The following LDLRAD4 variants were observed in gnomAD, a reference collection of about 807,000 sequenced individuals.
The protein encoded by LDLRAD4 is low density lipoprotein receptor class A domain containing 4, also known as low-density lipoprotein receptor class A domain-containing protein 4.
Under a neutral mutation model 17.0 loss-of-function variants are expected in LDLRAD4, and 5 were observed. The observed-to-expected ratio is 0.29, with a 90% CI of 0.15 to 0.62. The LOEUF is 0.62. Ranked by LOEUF, LDLRAD4 falls within the 20% of genes least tolerant of loss-of-function variation. The pLI, the probability that LDLRAD4 is intolerant of heterozygous loss-of-function variation, is 0.84. For missense variants in LDLRAD4, 340 were observed against 424.7 expected (o/e 0.80, Z 1.75); for synonymous variants, 168 against 171.8 (o/e 0.98, Z 0.17).
intron 1 of LDLRAD4, 83 bp downstream of exon 1, chr18:13,219,071 T>TG (rs1202874907): frequency 1.1e-5 from 1 of 93,962 alleles, no homozygotes; most frequent in Non-Finnish European, 2.4e-5. Flanking sequence ...TGTTTAAACT[T>TG]TTTTTTTTTT....
intron 1 of LDLRAD4, among the ~76,000 whole-genome samples, chr18:13,321,760 C>T (rs868238905): frequency 2.0e-5 from 3 of 149,866 alleles, no homozygotes; most frequent in Non-Finnish European, 3.0e-5. Context: ...GCTCGGGAGG[C>T]TGAGGCAGGA....
At chr18:13,292,964 T>C (rs1426079138) in intron 1 of LDLRAD4, among the ~76,000 whole-genome samples, 1 of 152,204 alleles carries the variant, frequency 6.6e-6, no homozygotes, top group Non-Finnish European at 1.5e-5. Context: ...CAGCGAGGTC[T>C]TGGAGAGAAT....
rs1299178167 is a variant in LDLRAD4 at position 13,622,231 on chromosome 18, TGGGACCCCTCTCAGGAGTGC to T, written c.336+961_336+980del. Among the ~76,000 whole-genome samples, 1 of 152,068 alleles carries T rather than the reference TGGGACCCCTCTCAGGAGTGC, an allele frequency of 6.6e-6. No homozygotes were observed. Among genetic ancestry groups the T allele is most frequent in the Non-Finnish European group, 1.5e-5 (1 of 68,016 alleles). ...GGTTTCCTGGGGTGGCCGCTGGCCC[TGGGACCCCTCTCAGGAGTGC>T]AGGCTCACACTTCACTAGGATCATT... On this transcript the variant is annotated intron_variant, in intron 4 of 5. Coordinates refer to ENST00000359446, the Ensembl canonical transcript of LDLRAD4. This position sits in a 1 kb window ranked among gnomAD's most constrained non-coding sequence, Gnocchi z 5.3.
intron 2 of LDLRAD4, among the ~76,000 whole-genome samples, chr18:13,422,586 T>A (rs2145882933): frequency 6.7e-6 from 1 of 150,350 alleles, no homozygotes; most frequent in South Asian, 2.1e-4. Flanking sequence ...TAGTCCCAGC[T>A]ACTCGGGAGG....
chr18:13,579,302 G>C (rs966845621), intron 3 of LDLRAD4, among the ~76,000 whole-genome samples: 3 of 152,216 alleles, frequency 2.0e-5, no homozygotes, highest in Non-Finnish European at 4.4e-5. Flanking sequence ...TTGAATTACA[G>C]TCATTTGTTT....
In LDLRAD4 at chr18:13,555,884, G is replaced by GTT. The variant is rs199931968; in HGVS notation, c.182-65231_182-65230dup. 7.1e-4 allele frequency among the ~76,000 whole-genome samples: 3 copies of GTT among 4,232 alleles called. No individual in the cohort carries two copies. In the Admixed American group the frequency reaches 0.014, roughly 19 times the overall value. The allele number at this position is 4,232 out of a possible 152,430, so 2.8% of individuals were successfully genotyped here. A position where few individuals can be genotyped will look rare whatever the true frequency, so the allele number is the denominator to read the frequency against. ...TATTTTCTAAGAAGGCGGGAAAGCA[G>GTT]TTTGTGTGAATTATTCTTACCTTAT... On this transcript the variant is annotated intron_variant, in intron 3 of 5. Coordinates refer to ENST00000359446, the Ensembl canonical transcript of LDLRAD4.
intron 3 of LDLRAD4, among the ~76,000 whole-genome samples, chr18:13,503,792 C>A (rs910088155): frequency 3.9e-5 from 5 of 127,642 alleles, no homozygotes; most frequent in South Asian, 2.6e-4. Context: ...AAAAAAAAAA[C>A]TAAGTAAAAA....
At chr18:13,245,901 G>A (rs2042932297) in intron 1 of LDLRAD4, among the ~76,000 whole-genome samples, 1 of 152,236 alleles carries the variant, frequency 6.6e-6, no homozygotes, top group East Asian at 1.9e-4. Flanking sequence ...AGTGTGCAAA[G>A]TGCTGAGCCC....
intron 1 of LDLRAD4, among the ~76,000 whole-genome samples, chr18:13,326,009 C>T (rs149473520): frequency 5.9e-5 from 9 of 152,056 alleles, no homozygotes; most frequent in East Asian, 3.9e-4. Context: ...CCTCATGATC[C>T]GCTTGCCTCG....
At chr18:13,325,985 T>C (rs536223235) in intron 1 of LDLRAD4, among the ~76,000 whole-genome samples, 47 of 152,066 alleles carry the variant, frequency 3.1e-4, no homozygotes, top group Admixed American at 3.3e-4. Flanking sequence ...GCCAGGATGT[T>C]CTTGATCTCC....
At chr18:13,344,564 G>C (rs543674221) in intron 1 of LDLRAD4, among the ~76,000 whole-genome samples, 1 of 152,298 alleles carries the variant, frequency 6.6e-6, no homozygotes, top group South Asian at 2.1e-4. Flanking sequence ...TTGGCAATGT[G>C]GGCTCTTTTT....
chr18:13,528,980 TGG>T (rs1035621042), intron 3 of LDLRAD4, among the ~76,000 whole-genome samples: 1 of 152,230 alleles, frequency 6.6e-6, no homozygotes, highest in African/African-American at 2.4e-5. Context: ...TCCTCGGCCG[TGG>T]TTCTAGCTTC....
exon 6 of LDLRAD4, chr18:13,648,332 C>T (rs370706629): frequency 6.6e-6 from 1 of 152,322 alleles, no homozygotes; most frequent in East Asian, 1.9e-4. Flanking sequence ...ATTCAACCAC[C>T]CTAGAGAACT....
chr18:13,479,134 G>C (rs1240689959), intron 3 of LDLRAD4, among the ~76,000 whole-genome samples: 1 of 152,116 alleles, frequency 6.6e-6, no homozygotes, highest in African/African-American at 2.4e-5. Context: ...ATTCAAAATA[G>C]ATCACAGGCT....
At chr18:13,402,606 A>C (rs1284897649) in intron 2 of LDLRAD4, among the ~76,000 whole-genome samples, 1 of 152,202 alleles carries the variant, frequency 6.6e-6, no homozygotes, top group Non-Finnish European at 1.5e-5. Context: ...TCTCATTTCT[A>C]AAGTCTTTCT....
chr18:13,497,364 A>C (rs2093491962), intron 3 of LDLRAD4, among the ~76,000 whole-genome samples: 1 of 151,628 alleles, frequency 6.6e-6, no homozygotes, highest in Non-Finnish European at 1.5e-5. Flanking sequence ...TTTTTTGTAG[A>C]GACAAGGTCT....
At chr18:13,411,074 A>C (rs2088290893) in intron 2 of LDLRAD4, among the ~76,000 whole-genome samples, 1 of 152,140 alleles carries the variant, frequency 6.6e-6, no homozygotes, top group African/African-American at 2.4e-5. Flanking sequence ...AACATAGCAA[A>C]ATCCCGTCTC....
chr18:13,614,468 G>A (rs1479295770), intron 3 of LDLRAD4: 1 of 152,170 alleles, frequency 6.6e-6, no homozygotes, highest in Non-Finnish European at 1.5e-5. Flanking sequence ...GTACTATACA[G>A]TAGAGTAGCC....
chr18:13,351,240 TATTG>T (rs1387220111), intron 1 of LDLRAD4, among the ~76,000 whole-genome samples: 1 of 152,106 alleles, frequency 6.6e-6, no homozygotes, highest in Non-Finnish European at 1.5e-5. Context: ...ATTTTCATGA[TATTG>T]ATTCTTTCTA....
Sources: allele counts gnomAD v4.1 joint callset (sites outside exome capture counted in the v4.1 genomes callset), GRCh38; gene constraint gnomAD v4.1.1; non-coding constraint Gnocchi (gnomAD v3.1); transcripts MANE v1.5; gene names NCBI Gene and HGNC (gene_info 2026-07-23, HGNC 2026-07-21).